CDKL4: variants seen among roughly 807,000 people sequenced by gnomAD.
CDKL4 encodes the protein cyclin dependent kinase like 4.
Under a neutral mutation model 42.0 loss-of-function variants are expected in CDKL4, and 44 were observed. The observed-to-expected ratio is 1.05, with a 90% CI of 0.82 to 1.35. The LOEUF (loss-of-function observed/expected upper bound fraction) is 1.35, where lower values mean the gene tolerates loss of function less well. CDKL4 is among the 40% of genes most tolerant of loss of function. The pLI is 0.00. For missense variants in CDKL4, 393 were observed against 369.9 expected (o/e 1.06, Z -0.51); for synonymous variants, 120 against 121.6 (o/e 0.99, Z 0.09).
chr2:39,185,371 T>TATAC (rs1408461694), intron 7 of CDKL4, among the ~76,000 whole-genome samples: 4 of 37,002 alleles, frequency 1.1e-4, no homozygotes, highest in African/African-American at 4.2e-4. Flanking sequence ...CATATATATA[T>TATAC]ACATATGTAT....
intron 1 of CDKL4, among the ~76,000 whole-genome samples, 75 bp downstream of exon 1, chr2:39,243,796 T>C (rs1386240341): frequency 1.3e-5 from 2 of 152,220 alleles, no homozygotes; most frequent in Admixed American, 6.5e-5. Context: ...ATCCGCAGTC[T>C]AGACCTCGCG....
chr2:39,193,149 A>AG, intron 5 of CDKL4, among the ~76,000 whole-genome samples: 1 of 147,446 alleles, frequency 6.8e-6, no homozygotes, highest in East Asian at 2.0e-4. Flanking sequence ...AAAAAAAAAA[A>AG]GGAGCCAGGT....
chr2:39,183,720 G>A (rs1158775157), intron 8 of CDKL4, among the ~76,000 whole-genome samples: 1 of 152,180 alleles, frequency 6.6e-6, no homozygotes, highest in South Asian at 2.1e-4. Flanking sequence ...CCTGCTGAGT[G>A]CTGGGTGAAA....
intron 5 of CDKL4, among the ~76,000 whole-genome samples, chr2:39,199,162 A>T (rs1224215446): frequency 6.6e-6 from 1 of 152,070 alleles, no homozygotes; most frequent in Non-Finnish European, 1.5e-5. Flanking sequence ...GAGATATTAT[A>T]ACTGATACCA....
chr2:39,189,800 T>G (rs1676067915), intron 6 of CDKL4, among the ~76,000 whole-genome samples: 1 of 152,268 alleles, frequency 6.6e-6, no homozygotes, highest in Non-Finnish European at 1.5e-5. Flanking sequence ...ACATGCTGCG[T>G]ATTGCTGCTT....
At chr2:39,170,468 G>GT in the CDKL4 span, among the ~76,000 whole-genome samples, 1 of 151,136 alleles carries the variant, frequency 6.6e-6, no homozygotes, top group Non-Finnish European at 1.5e-5. Flanking sequence ...TGTTGTTGTT[G>GT]TTTTTGAGAC....
chr2:39,218,571 A>T (rs530970561), intron 3 of CDKL4, among the ~76,000 whole-genome samples: 2 of 152,292 alleles, frequency 1.3e-5, no homozygotes, highest in Admixed American at 1.3e-4. Context: ...TTCACATTTG[A>T]ATCAGTAGAC....
At chr2:39,216,915 AG>A (rs1204299965) in intron 3 of CDKL4, among the ~76,000 whole-genome samples, 19 of 152,224 alleles carry the variant, frequency 1.2e-4, no homozygotes, top group Non-Finnish European at 2.8e-4. Context: ...GGCATCTCAC[AG>A]GAAGTGTCAT....
chr2:39,197,815 C>G (rs1676608905), intron 5 of CDKL4, among the ~76,000 whole-genome samples: 1 of 150,546 alleles, frequency 6.6e-6, no homozygotes, highest in Admixed American at 6.6e-5. Context: ...GCCAAGCCAG[C>G]ACTATAGGAA....
chr2:39,181,654 C>A (rs1675444572), intron 8 of CDKL4, among the ~76,000 whole-genome samples: 1 of 152,108 alleles, frequency 6.6e-6, no homozygotes, highest in Non-Finnish European at 1.5e-5. Flanking sequence ...ATGGAGTACA[C>A]CCCCAACCCA....
intron 1 of CDKL4, among the ~76,000 whole-genome samples, chr2:39,240,141 G>A (rs1679587043): frequency 1.3e-5 from 2 of 151,548 alleles, no homozygotes; most frequent in African/African-American, 4.9e-5. Flanking sequence ...CAGGCGTGGT[G>A]GCTCACGCCT....
At chr2:39,185,996 A>G (rs1473839778) in intron 7 of CDKL4, among the ~76,000 whole-genome samples, 2 of 152,188 alleles carry the variant, frequency 1.3e-5, no homozygotes, top group Non-Finnish European at 2.9e-5. Context: ...GACTACATGC[A>G]TAAGAGCACT....
At chr2:39,178,279 C>T (rs944543375) in intron 9 of CDKL4, among the ~76,000 whole-genome samples, 2 of 152,210 alleles carry the variant, frequency 1.3e-5, no homozygotes, top group Admixed American at 6.5e-5. Flanking sequence ...AAAGACAACA[C>T]TTTCTTCCTT....
intron 5 of CDKL4, among the ~76,000 whole-genome samples, chr2:39,203,000 G>C (rs1676947796): frequency 6.6e-6 from 1 of 152,306 alleles, no homozygotes; most frequent in South Asian, 2.1e-4. Flanking sequence ...ATGGCAAAAG[G>C]TATCATTATT....
At chr2:39,208,938 A>G (rs1254550351) in intron 4 of CDKL4, among the ~76,000 whole-genome samples, 1 of 152,016 alleles carries the variant, frequency 6.6e-6, no homozygotes, top group Non-Finnish European at 1.5e-5. Flanking sequence ...CCCTCTCCTC[A>G]ACAACCAAAA....
At position 39,190,395 on chromosome 2, in the gene CDKL4, C is replaced by G. The variant is rs148659647; in HGVS notation, c.562G>C (p.Gly188Arg). Residue 188 changes from glycine (G) to arginine (R), a missense_variant, in exon 6 of 10, where the codon GGT (glycine) becomes CGT (arginine). Transcript: ENST00000451199. Reference sequence around the variant, plus strand: ...GTCAGGAGCTCTGCAAAAACACAACCAATAGCCCATATATCGACTGAAGAA... The same window carrying G: ...GTCAGGAGCTCTGCAAAAACACAACGAATAGCCCATATATCGACTGAAGAA... 12 of 1,613,898 alleles carry G rather than the reference C, an allele frequency of 7.4e-6. No homozygotes were observed. In the East Asian group the frequency reaches 1.3e-4, roughly 18 times the overall value.
chr2:39,217,951 T>C (rs1678037216), intron 3 of CDKL4, among the ~76,000 whole-genome samples: 1 of 152,086 alleles, frequency 6.6e-6, no homozygotes. Context: ...CAGGCTGGTC[T>C]TGAACTCCTG....
exon 3 of CDKL4, chr2:39,225,928 G>A (rs753013168): frequency 3.0e-5 from 48 of 1,610,798 alleles, no homozygotes; most frequent in South Asian, 2.4e-4. Context: ...TGAACACCTC[G>A]ATGAGGTTCA....
In CDKL4 at chr2:39,223,556, T is replaced by G. The variant is rs1678501718; in HGVS notation, c.290+2283A>C. Among the ~76,000 whole-genome samples, 3 of 150,692 alleles carry G rather than the reference T, an allele frequency of 2.0e-5. No homozygotes were observed. The South Asian group carries it at 6.3e-4, about 32-fold the overall frequency. On this transcript the variant is annotated intron_variant, in intron 3 of 9. Transcript: ENST00000451199. ...AATAGGGAAGGATAAGCATGTTTTC[T>G]TAGATGTACTGGTCATTTCCTTCTC...
Sources: gnomAD v4.1 joint callset for allele counts (sites outside exome capture counted in the v4.1 genomes callset) on GRCh38, gnomAD v4.1.1 for gene constraint, MANE v1.5 for transcripts, NCBI Gene and HGNC (gene_info 2026-07-23, HGNC 2026-07-21) for gene names.